Variants in CA2 observed in about 807,000 individuals in gnomAD.
The protein encoded by CA2 is carbonic anhydrase 2.
Under a neutral mutation model 27.8 loss-of-function variants are expected in CA2, and 23 were observed. That is an observed-to-expected ratio of 0.83 (90% CI 0.59 to 1.17). The LOEUF is 1.17. Among genes scored for constraint, CA2 ranks in the 50% most tolerant of loss-of-function variants. The pLI is 0.00. For missense variants in CA2, 300 were observed against 314.7 expected, an observed-to-expected ratio of 0.95 and a Z score of 0.35; for synonymous variants, 99 against 114.9, an observed-to-expected ratio of 0.86 and a Z score of 0.88.
At chr8:85,467,595 C>T (rs1449072833) in intron 2 of CA2, among the ~76,000 whole-genome samples, 2 of 152,164 alleles carry the variant, frequency 1.3e-5, no homozygotes, top group Non-Finnish European at 2.9e-5. Flanking sequence ...GATTAGTTCC[C>T]ATCATTTGAT....
At chr8:85,478,514 T>C (rs1011822891) in intron 6 of CA2, among the ~76,000 whole-genome samples, 1 of 152,198 alleles carries the variant, frequency 6.6e-6, no homozygotes, top group Non-Finnish European at 1.5e-5. Context: ...GCAATGCAAC[T>C]TTAAAGCAAT....
rs747024756 is a variant in CA2, at chr8:85,474,301, T to C, written c.352-23T>C. The C allele has an allele frequency of 3.2e-6, 5 of 1,560,684 alleles. No homozygotes were observed. In the South Asian group the frequency reaches 5.6e-5, roughly 17 times the overall value. The stretch of plus-strand genomic sequence containing the variant: ...CTTTGATTATGTAAATCACTCACTG[T>C]GGCTTTGTCTCTTCGGCCTTAGCTT... On this transcript the variant is annotated intron_variant, in intron 3 of 6. Transcript: ENST00000285379.
chr8:85,464,378 G>A (rs927599693), intron 1 of CA2: 3 of 434,530 alleles, frequency 6.9e-6, no homozygotes. Context: ...GGGCCCGAGG[G>A]AGGGGAGGCG....
At chr8:85,477,010 G>T in intron 5 of CA2, 110 bp from the exon 6 acceptor site, 2 of 999,386 alleles carry the variant, frequency 2.0e-6, no homozygotes, top group East Asian at 2.4e-5. Context: ...TTTTTAAAAA[G>T]TGTTTTTGAC....
intron 6 of CA2, among the ~76,000 whole-genome samples, chr8:85,478,956 G>T (rs377673265): frequency 1.4e-4 from 21 of 152,282 alleles, no homozygotes; most frequent in Middle Eastern, 3.4e-3. Flanking sequence ...TTTCCTGAAG[G>T]CCCCTAGAAA....
At chr8:85,465,579 C>G (rs1430462659) in intron 2 of CA2, 110 bp downstream of exon 2, 1 of 891,292 alleles carries the variant, frequency 1.1e-6, no homozygotes, top group Middle Eastern at 2.1e-4. Flanking sequence ...CAGTTTGTCT[C>G]AGGACTCAAG....
chr8:85,476,987 A>C, intron 5 of CA2, 133 bp from the exon 6 acceptor site: 1 of 822,756 alleles, frequency 1.2e-6, no homozygotes, highest in Non-Finnish European at 2.1e-6. Context: ...TTGCCAGTGA[A>C]TATAGAACCT....
chr8:85,464,179 G>T, intron 1 of CA2, 64 bp downstream of exon 1: 4 of 1,441,382 alleles, frequency 2.8e-6, no homozygotes, highest in Non-Finnish European at 2.8e-6. Flanking sequence ...CCCGATCCCC[G>T]AGCCCGGATG....
intron 6 of CA2, 72 bp downstream of exon 6, chr8:85,477,347 G>C (rs2130564562): frequency 6.4e-7 from 1 of 1,553,130 alleles, no homozygotes; most frequent in Non-Finnish European, 8.9e-7. Context: ...GGCCTCCAGA[G>C]TGAGAGAGAA....
At position 85,477,189 on chromosome 8, in the gene CA2, T is replaced by C; in HGVS notation, c.577T>C (p.Tyr193His). 1 of 1,614,062 alleles carries C rather than the reference T, an allele frequency of 6.2e-7. No individual in the cohort carries two copies. Among genetic ancestry groups the C allele is most frequent in the African/African-American group, 1.3e-5 (1 of 75,042 alleles). The change falls in exon 6 of 7, where the codon TAC (tyrosine) becomes CAC (histidine). Residue 193 changes from tyrosine to histidine, a missense_variant. Transcript: ENST00000285379. ...TCCTGAATCCTTGGATTACTGGACC[T>C]ACCCAGGCTCACTGACCACCCCTCC... is the stretch of plus-strand genomic sequence containing the variant. ...LLPESLDYWT[Y>H]PGSLTTPPLL...
rs200296055 is a variant in CA2 at position 85,474,321 on chromosome 8, T to C, written c.352-3T>C. On this transcript the variant is annotated splice_region_variant and splice_polypyrimidine_tract_variant and intron_variant, in intron 3 of 6. Transcript: ENST00000285379. ...CACTGTGGCTTTGTCTCTTCGGCCTTAGCTTCACTTGGTTCACTGGAACAC... is the reference window on the plus strand; with the variant it reads ...CACTGTGGCTTTGTCTCTTCGGCCTCAGCTTCACTTGGTTCACTGGAACAC... 3.1e-6 allele frequency: 5 copies of C among 1,612,328 alleles called. No individual in the cohort carries two copies. The East Asian group carries it at 1.1e-4, about 36-fold the overall frequency.
chr8:85,474,265 A>T, intron 3 of CA2, 59 bp from the exon 4 acceptor site: 2 of 1,212,776 alleles, frequency 1.6e-6, no homozygotes, highest in Non-Finnish European at 2.5e-6. Context: ...CCATTGAATA[A>T]AATCTGTCAG....
intron 6 of CA2, among the ~76,000 whole-genome samples, chr8:85,477,768 T>G: frequency 6.6e-6 from 1 of 152,192 alleles, no homozygotes; most frequent in East Asian, 1.9e-4. Context: ...CTTTAGAGGC[T>G]TAGAGCAGGT....
intron 2 of CA2, among the ~76,000 whole-genome samples, chr8:85,467,130 A>G (rs1482629157): frequency 1.3e-5 from 2 of 152,204 alleles, no homozygotes; most frequent in African/African-American, 4.8e-5. Flanking sequence ...AGCACTGAAG[A>G]AACAAATCTC....
At chr8:85,466,679 T>TACATAC (rs780238454) in intron 2 of CA2, among the ~76,000 whole-genome samples, 3 of 148,948 alleles carry the variant, frequency 2.0e-5, no homozygotes, top group Admixed American at 6.7e-5. Flanking sequence ...CATACATACA[T>TACATAC]ACACACACAC....
Position 85,480,893 on chromosome 8 carries a change from GTTTT to G in CA2, c.*105_*108del. On this transcript the variant is annotated 3_prime_UTR_variant, in exon 7 of 7. Transcript: ENST00000285379. ...TTGGACCCTGGTTGCTTTGTGTCTA[GTTTT>G]CTAGACCCTTCATCTCTTACTTGAT... The G allele has an allele frequency of 1.7e-6, 2 of 1,209,140 alleles. No homozygotes were observed. The highest frequency in any genetic ancestry group is 2.4e-5 in the East Asian group (1 of 41,278). 74.9% of individuals were successfully genotyped at this position (1,209,140 alleles called of 1,614,324 possible).
At chr8:85,465,176 A>C in intron 1 of CA2, 96 bp from the exon 2 acceptor site, 1 of 977,164 alleles carries the variant, frequency 1.0e-6, no homozygotes. Context: ...CTAAAATTGG[A>C]ACTGAGCAGA....
At position 85,473,697 on chromosome 8, in the gene CA2, C is replaced by T. The variant is rs768251101; in HGVS notation, c.237C>T (p.Leu79=). Residue 79 remains leucine (L), a synonymous_variant, in exon 3 of 7, where the codon CTC becomes CTT. Coordinates refer to ENST00000285379, the MANE Select transcript of CA2 (RefSeq NM_000067.3). ...ATATATATGTTTTAATTTTAGTGCTCAAGGGAGGACCCCTGGATGGCACTT... is the reference window on the plus strand; with the variant it reads ...ATATATATGTTTTAATTTTAGTGCTTAAGGGAGGACCCCTGGATGGCACTT... ...EFDDSQDKAV[L]KGGPLDGTYR... 6.4e-7 allele frequency: 1 copy of T among 1,559,692 alleles called. No homozygotes were observed. Among genetic ancestry groups the T allele is most frequent in the East Asian group, 2.2e-5 (1 of 44,606 alleles).
chr8:85,480,320 G>A (rs932938029), intron 6 of CA2, among the ~76,000 whole-genome samples: 7 of 152,166 alleles, frequency 4.6e-5, no homozygotes, highest in Non-Finnish European at 8.8e-5. Context: ...GTGCAGTGGC[G>A]CAATCTCAGC....
Sources: gnomAD v4.1 joint callset for allele counts (sites outside exome capture counted in the v4.1 genomes callset) on GRCh38, gnomAD v4.1.1 for gene constraint, MANE v1.5 for transcripts, NCBI Gene and HGNC (gene_info 2026-07-23, HGNC 2026-07-21) for gene names.